The following TBX19 variants were observed in gnomAD, a reference collection of about 807,000 sequenced individuals.
TBX19 encodes the protein T-box transcription factor 19.
TBX19 carries 33 observed loss-of-function variants against 40.9 expected under a neutral mutation model. The observed-to-expected ratio is 0.81, with a 90% CI of 0.61 to 1.08. The LOEUF (loss-of-function observed/expected upper bound fraction) is 1.08. Ranked by LOEUF, TBX19 falls within the 50% of genes least tolerant of loss-of-function variation. TBX19 has a pLI of 0.00. For missense variants in TBX19, 494 were observed against 574.0 expected (o/e 0.86, Z 1.42); for synonymous variants, 220 against 225.0 (o/e 0.98, Z 0.20).
At chr1:168,286,909 A>G (rs939632015) in intron 1 of TBX19, among the ~76,000 whole-genome samples, 2 of 152,192 alleles carry the variant, frequency 1.3e-5, no homozygotes, top group Non-Finnish European at 2.9e-5. Context: ...TGCTTTTCAT[A>G]TTGCAGCCAT....
intron 5 of TBX19, among the ~76,000 whole-genome samples, chr1:168,301,115 C>G (rs1291387048): frequency 6.6e-6 from 1 of 152,216 alleles, no homozygotes; most frequent in African/African-American, 2.4e-5. Flanking sequence ...CTGAAACCCT[C>G]TTTAATTTGG....
intron 3 of TBX19, among the ~76,000 whole-genome samples, chr1:168,297,460 A>G (rs574766678): frequency 1.6e-4 from 25 of 152,238 alleles, no homozygotes; most frequent in Non-Finnish European, 3.4e-4. Flanking sequence ...TTCTCACTTT[A>G]CATGGCATTA....
rs1558188877 is a variant in TBX19 at position 168,285,294 on chromosome 1, CACACA to C, written c.203+4002_203+4006del. On this transcript the variant is annotated intron_variant, in intron 1 of 7. Transcript: ENST00000367821. ...ACACACACACACACACACACACACA[CACACA>C]CCCCTCTAAAAGTTCTGATGAGTAT... 3.5e-3 allele frequency among the ~76,000 whole-genome samples: 528 copies of C among 150,844 alleles called. 6 individuals carry two copies. Among genetic ancestry groups the C allele is most frequent in the African/African-American group, 0.012 (500 of 40,680 alleles).
At chr1:168,285,261 TCA>T (rs36217752) in intron 1 of TBX19, among the ~76,000 whole-genome samples, 31,256 of 147,840 alleles carry the variant, frequency 0.21, 3,242 homozygotes, top group Admixed American at 0.25. Context: ...ACCATGTATG[TCA>T]CACACACACA....
chr1:168,302,083 A>G (rs919193123), intron 5 of TBX19, among the ~76,000 whole-genome samples: 4 of 152,234 alleles, frequency 2.6e-5, no homozygotes, highest in African/African-American at 9.6e-5. Context: ...CCATGTGCAG[A>G]ACCATAGGAG....
intron 4 of TBX19, 109 bp downstream of exon 4, chr1:168,297,894 C>A: frequency 1.0e-6 from 1 of 990,132 alleles, no homozygotes; most frequent in Non-Finnish European, 1.5e-6. Context: ...CTTTCATTAC[C>A]TTTTATAGAA....
intron 1 of TBX19, among the ~76,000 whole-genome samples, chr1:168,284,126 T>C (rs954062124): frequency 5.3e-5 from 8 of 152,226 alleles, no homozygotes; most frequent in African/African-American, 1.7e-4. Flanking sequence ...TTTCTTTCTC[T>C]CCCCTCCCCC....
In TBX19 at chr1:168,293,094, G is replaced by A. The variant is rs377361117; in HGVS notation, c.469-50G>A. ...AGATGCTGGCTCCTTTATCACCTGC[G>A]ATACACGGGGCTTTGCTTTTCTCCT... On this transcript the variant is annotated intron_variant, in intron 2 of 7. Transcript: ENST00000367821. The A allele has an allele frequency of 9.3e-6, 15 of 1,608,350 alleles. No homozygotes were observed. The African/African-American group carries it at 1.2e-4, about 13-fold the overall frequency.
In TBX19 at chr1:168,300,167, T is replaced by C. The variant is rs1049295348; in HGVS notation, c.666-255T>C. On this transcript the variant is annotated intron_variant, in intron 4 of 7. Transcript: ENST00000367821. ...GAGCAATATCCCCAAATTATTCAGA[T>C]CAAAATAAACAGGGATAGCTGTAAA... Among the ~76,000 whole-genome samples, 3 of 151,936 alleles carry C rather than the reference T, an allele frequency of 2.0e-5. No homozygotes were observed. In the East Asian group the frequency reaches 5.8e-4, roughly 29 times the overall value.
At position 168,281,301 on chromosome 1, in the gene TBX19, T is replaced by C; in HGVS notation, c.203+8T>C. ...TGTGACCAAGAATGGCAGGTGAGTT[T>C]ATCTGCCGCCCCGCGTGGGCTGGCA... On this transcript the variant is annotated splice_region_variant and intron_variant, in intron 1 of 7. Coordinates refer to ENST00000367821, the MANE Select transcript of TBX19 (RefSeq NM_005149.3). 1 of 1,613,862 alleles carries C rather than the reference T, an allele frequency of 6.2e-7. No homozygotes were observed. Among genetic ancestry groups the C allele is most frequent in the African/African-American group, 1.3e-5 (1 of 75,036 alleles).
At chr1:168,299,120 A>T in intron 4 of TBX19, among the ~76,000 whole-genome samples, 1 of 151,324 alleles carries the variant, frequency 6.6e-6, no homozygotes, top group Non-Finnish European at 1.5e-5. Flanking sequence ...GGGTTTTGCC[A>T]TGTTGGCCAG....
chr1:168,293,284 AGTGTGTGT>A lies in TBX19; in HGVS notation c.603+41_603+48del, dbSNP rs57039241. On this transcript the variant is annotated splice_region_variant and intron_variant, in intron 3 of 7. Transcript: ENST00000367821. Reference sequence around the variant, plus strand: ...CTGCCTATCAGAATGAGGAGGTAAGAGTGTGTGTGTGTGTGTGTGTGTGTGTGTGTGTG... The same window carrying A: ...CTGCCTATCAGAATGAGGAGGTAAGAGTGTGTGTGTGTGTGTGTGTGTGTG... The A allele has an allele frequency of 1.1e-3, 1,518 of 1,321,448 alleles. 1 individual carries two copies. In the East Asian group the frequency reaches 0.018, roughly 16 times the overall value. The allele number at this position is 1,321,448 out of a possible 1,614,324, so 81.9% of individuals were successfully genotyped here.
intron 3 of TBX19, among the ~76,000 whole-genome samples, chr1:168,296,532 C>T (rs953540162): frequency 3.9e-5 from 6 of 152,088 alleles, no homozygotes; most frequent in African/African-American, 1.4e-4. Context: ...TTCACTACCA[C>T]GAGAACAGTA....
In TBX19 at chr1:168,297,791, T is replaced by C. The variant is rs151125756; in HGVS notation, c.665+6T>C. On this transcript the variant is annotated splice_donor_region_variant and intron_variant, in intron 4 of 7. Coordinates refer to ENST00000367821, the MANE Select transcript of TBX19 (RefSeq NM_005149.3). Reference sequence around the variant, plus strand: ...TTCTTGGATGCCAAGGAAAGGTAAGTAAAGAAATTTTAGTGAAATCTTCTA... The same window carrying C: ...TTCTTGGATGCCAAGGAAAGGTAAGCAAAGAAATTTTAGTGAAATCTTCTA... 4.5e-5 allele frequency: 73 copies of C among 1,611,154 alleles called. No individual in the cohort carries two copies. The highest frequency in any genetic ancestry group is 6.0e-5 in the Non-Finnish European group (71 of 1,177,556).
intron 1 of TBX19, among the ~76,000 whole-genome samples, chr1:168,290,226 C>A (rs1481721492): frequency 1.3e-5 from 2 of 152,162 alleles, no homozygotes; most frequent in Non-Finnish European, 2.9e-5. Context: ...ATGCTCTAGA[C>A]TTATAAGCCA....
chr1:168,294,606 A>G (rs774694187), intron 3 of TBX19, among the ~76,000 whole-genome samples: 2 of 151,946 alleles, frequency 1.3e-5, no homozygotes, highest in Non-Finnish European at 2.9e-5. Context: ...GATTCAAGTG[A>G]TTCTCCTGCC....
At position 168,312,928 on chromosome 1, in the gene TBX19, GCC is replaced by G; in HGVS notation, c.1274_1275del (p.Ala425ValfsTer48). On this transcript the variant is annotated frameshift_variant, in exon 8 of 8. Transcript: ENST00000367821. LOFTEE classifies it high-confidence loss of function. ...SIAVSTWTAV[A>X]SHPFAGWGGP... ...TGCTGTGTCCACCTGGACAGCAGTGGCCTCGCATCCCTTCGCGGGCTGGGGTG... is the reference window on the plus strand; with the variant it reads ...TGCTGTGTCCACCTGGACAGCAGTGGTCGCATCCCTTCGCGGGCTGGGGTG... 6.2e-7 allele frequency: 1 copy of G among 1,614,254 alleles called. No individual in the cohort carries two copies. Among genetic ancestry groups the G allele is most frequent in the Non-Finnish European group, 8.5e-7 (1 of 1,180,048 alleles).
intron 2 of TBX19, among the ~76,000 whole-genome samples, 177 bp from the exon 3 acceptor site, chr1:168,292,967 T>G (rs1461420433): frequency 6.6e-6 from 1 of 151,314 alleles, no homozygotes; most frequent in East Asian, 1.9e-4. Context: ...TTCTGGAAAA[T>G]TCCCTTCATT....
At chr1:168,290,728 G>T (rs936153095) in intron 1 of TBX19, among the ~76,000 whole-genome samples, 1 of 152,032 alleles carries the variant, frequency 6.6e-6, no homozygotes, top group Non-Finnish European at 1.5e-5. Flanking sequence ...TGAGATGGGG[G>T]TGTCTCACTA....
Sources: allele counts gnomAD v4.1 joint callset (sites outside exome capture counted in the v4.1 genomes callset), GRCh38; gene constraint gnomAD v4.1.1; transcripts MANE v1.5; gene names NCBI Gene and HGNC (gene_info 2026-07-23, HGNC 2026-07-21).